The following ANKRD30A variants were observed in gnomAD, a reference collection of about 807,000 sequenced individuals.
ANKRD30A encodes the protein ankyrin repeat domain 30A.
ANKRD30A carries 170 observed loss-of-function variants against 166.3 expected under a neutral mutation model. The observed-to-expected ratio is 1.02, with a 90% confidence interval of 0.90 to 1.16. The LOEUF (loss-of-function observed/expected upper bound fraction) is 1.16. Among genes scored for constraint, ANKRD30A ranks in the 50% most tolerant of loss-of-function variants. The pLI, the probability that ANKRD30A is intolerant of heterozygous loss-of-function variation, is 0.00. For missense variants in ANKRD30A, 1,630 were observed against 1,518.0 expected, an observed-to-expected ratio of 1.07 and a Z score of -1.23; for synonymous variants, 564 against 508.9, an observed-to-expected ratio of 1.11 and a Z score of -1.46.
chr10:37,151,493 C>T (rs1837932566), intron 11 of ANKRD30A, among the ~76,000 whole-genome samples: 1 of 152,008 alleles, frequency 6.6e-6, no homozygotes, highest in South Asian at 2.1e-4. Flanking sequence ...AGTTTTTAAG[C>T]TTATCTTCCT....
At chr10:37,248,174 G>A in the ANKRD30A span, 1 of 635,262 alleles carries the variant, frequency 1.6e-6, no homozygotes. Context: ...CTTGCACTCG[G>A]GAGAGCATGC....
At chr10:37,209,704 A>G (rs981896626) in intron 31 of ANKRD30A, among the ~76,000 whole-genome samples, 4 of 152,134 alleles carry the variant, frequency 2.6e-5, no homozygotes, top group African/African-American at 9.7e-5. Flanking sequence ...TATTTGGTAG[A>G]ACTCACCAGT....
intron 1 of ANKRD30A, among the ~76,000 whole-genome samples, chr10:37,129,578 T>C (rs1268447643): frequency 2.2e-4 from 33 of 152,194 alleles, no homozygotes; most frequent in Non-Finnish European, 1.5e-4. Flanking sequence ...GTGTTCATCT[T>C]CATTTTGTTG....
At chr10:37,261,810 T>C in the ANKRD30A span, 1 of 152,574 alleles carries the variant, frequency 6.6e-6, no homozygotes, top group Non-Finnish European at 1.5e-5. Context: ...TTGAATAAAA[T>C]ATGTGGCCAT....
chr10:37,167,498 G>C lies in ANKRD30A; in HGVS notation c.2155+803G>C, dbSNP rs973321567. The stretch of plus-strand genomic sequence containing the variant: ...CCATAAAACTCTGAATTTATGACTT[G>C]AATACCTAAATTGTTGTTATTCGTA... On this transcript the variant is annotated intron_variant, in intron 19 of 35. Coordinates refer to ENST00000361713, the MANE Select transcript of ANKRD30A (RefSeq NM_052997.3). Among the ~76,000 whole-genome samples, 47 of 151,566 alleles carry C rather than the reference G, an allele frequency of 3.1e-4. 1 individual carries two copies. Among genetic ancestry groups the C allele is most frequent in the African/African-American group, 1.1e-3 (46 of 41,098 alleles).
chr10:37,136,664 C>A lies in ANKRD30A; in HGVS notation c.813C>A (p.Thr271=). The A allele has an allele frequency of 7.1e-7, 1 of 1,418,002 alleles. No individual in the cohort carries two copies. The highest frequency in any genetic ancestry group is 9.7e-7 in the Non-Finnish European group (1 of 1,029,568). 87.8% of individuals were successfully genotyped at this position (1,418,002 alleles called of 1,614,324 possible). Residue 271 remains threonine (T), a synonymous_variant, in exon 6 of 36, where the codon ACC becomes ACA. Transcript: ENST00000361713. The part of the protein sequence containing the change: ...IRKLSKNHQN[T]NPEGTSAGTP... Reference sequence around the variant, plus strand: ...AATTATCTAAAAATCATCAAAATACCAATCCAGGTAAGACTTCTGATAGTA... The same window carrying A: ...AATTATCTAAAAATCATCAAAATACAAATCCAGGTAAGACTTCTGATAGTA...
intron 13 of ANKRD30A, 148 bp downstream of exon 13, chr10:37,153,810 C>A: frequency 8.6e-7 from 1 of 1,160,898 alleles, no homozygotes; most frequent in South Asian, 1.4e-5. Context: ...AGTTGTATGT[C>A]TCATCAGGTG....
chr10:37,126,106 G>A, intron 1 of ANKRD30A, 98 bp downstream of exon 1: 1 of 1,313,604 alleles, frequency 7.6e-7, no homozygotes, highest in Non-Finnish European at 1.1e-6. Context: ...GGGGAAGAAG[G>A]GAGCAGGTGG....
In ANKRD30A at chr10:37,153,552, A is replaced by G. The variant is rs1469765628; in HGVS notation, c.1708-20A>G. On this transcript the variant is annotated intron_variant, in intron 12 of 35. Transcript: ENST00000361713. ...TAGGATTTATCCATTGAAATTATTT[A>G]TTGCTATTACTTTTAACAGAGTCTC... is the stretch of plus-strand genomic sequence containing the variant. 1 of 1,609,102 alleles carries G rather than the reference A, an allele frequency of 6.2e-7. No homozygotes were observed. Among genetic ancestry groups the G allele is most frequent in the African/African-American group, 1.3e-5 (1 of 74,638 alleles).
rs770751275 is a variant in ANKRD30A, at chr10:37,201,361, C to G, written c.2869+36C>G. On this transcript the variant is annotated intron_variant, in intron 31 of 35. Transcript: ENST00000361713. ...TCTTTTATTTAAAAGGTCATTTGAC[C>G]AAGTATTTCTCTAAAATGATGAGGA... 11 of 1,443,662 alleles carry G rather than the reference C, an allele frequency of 7.6e-6. No individual in the cohort carries two copies. In the African/African-American group the frequency reaches 1.6e-4, roughly 21 times the overall value. 89.4% of individuals were successfully genotyped at this position (1,443,662 alleles called of 1,614,324 possible). A position where few individuals can be genotyped will look rare whatever the true frequency, so the allele number is the denominator to read the frequency against.
At chr10:37,149,719 T>C (rs72787532) in intron 10 of ANKRD30A, 40 bp downstream of exon 10, 23,029 of 1,611,638 alleles carry the variant, frequency 0.014, 217 homozygotes, top group Middle Eastern at 0.024. Context: ...GACTTATTAA[T>C]TATGTATTTG....
At chr10:37,155,820 G>C (rs1329918231) in intron 13 of ANKRD30A, among the ~76,000 whole-genome samples, 2 of 152,014 alleles carry the variant, frequency 1.3e-5, no homozygotes, top group African/African-American at 4.8e-5. Context: ...GGTGGCTCAC[G>C]CCTGTAATTC....
chr10:37,134,880 A>C (rs1294532066), intron 5 of ANKRD30A, among the ~76,000 whole-genome samples: 1 of 152,206 alleles, frequency 6.6e-6, no homozygotes, highest in Non-Finnish European at 1.5e-5. Context: ...GGAAGAAATT[A>C]GAGACCCATT....
At chr10:37,211,076 T>C (rs1222150899) in intron 31 of ANKRD30A, among the ~76,000 whole-genome samples, 1 of 152,122 alleles carries the variant, frequency 6.6e-6, no homozygotes, top group Non-Finnish European at 1.5e-5. Flanking sequence ...CTAGGTTTTC[T>C]TCTAGGCTTT....
chr10:37,260,485 A>G, the ANKRD30A span, among the ~76,000 whole-genome samples: 3 of 152,172 alleles, frequency 2.0e-5, no homozygotes, highest in Non-Finnish European at 4.4e-5. Flanking sequence ...AGGGCAGCCT[A>G]TAATATTGCT....
chr10:37,126,912 T>TACA lies in ANKRD30A; in HGVS notation c.221+904_221+905insACA, dbSNP rs1836057196. On this transcript the variant is annotated intron_variant, in intron 1 of 35. Coordinates refer to ENST00000361713, the MANE Select transcript of ANKRD30A (RefSeq NM_052997.3). Reference sequence around the variant, plus strand: ...AAATACAAAAATTAGCCGGGCATGATGTCGGGTGCCTGTAATCCCAGCTAC... The same window carrying TACA: ...AAATACAAAAATTAGCCGGGCATGATACAGTCGGGTGCCTGTAATCCCAGCTAC... Among the ~76,000 whole-genome samples the TACA allele has an allele frequency of 4.6e-5, 7 of 151,566 alleles. No homozygotes were observed. The South Asian group carries it at 1.5e-3, about 32-fold the overall frequency.
intron 34 of ANKRD30A, among the ~76,000 whole-genome samples, chr10:37,222,682 C>T (rs975729954): frequency 1.3e-5 from 2 of 151,274 alleles, no homozygotes; most frequent in East Asian, 3.9e-4. Flanking sequence ...CCTCCATTTT[C>T]AGTTTTTGTT....
intron 31 of ANKRD30A, among the ~76,000 whole-genome samples, chr10:37,215,036 A>G (rs1396335341): frequency 6.6e-6 from 1 of 151,572 alleles, no homozygotes; most frequent in Non-Finnish European, 1.5e-5. Flanking sequence ...CATCTCCGGC[A>G]TTGTAACTTG....
chr10:37,138,598 G>A (rs1265794730), intron 6 of ANKRD30A, among the ~76,000 whole-genome samples: 5 of 152,292 alleles, frequency 3.3e-5, no homozygotes, highest in South Asian at 2.1e-4. Context: ...CTCAGTAGCC[G>A]ATTCGATCAA....
Sources: allele counts gnomAD v4.1 joint callset (sites outside exome capture counted in the v4.1 genomes callset), GRCh38; gene constraint gnomAD v4.1.1; transcripts MANE v1.5; gene names NCBI Gene and HGNC (gene_info 2026-07-23, HGNC 2026-07-21).